The following RUNX2 variants were observed in gnomAD, a reference collection of about 807,000 sequenced individuals.
RUNX2 encodes the protein RUNX family transcription factor 2, also known as runt-related transcription factor 2.
RUNX2 carries 10 observed loss-of-function variants against 51.7 expected under a neutral mutation model. The observed-to-expected ratio is 0.19, with a 90% confidence interval of 0.12 to 0.33. The LOEUF is 0.33. Among genes scored for constraint, RUNX2 ranks in the 10% least tolerant of loss-of-function variants. RUNX2 has a pLI of 1.00. For missense variants in RUNX2, 562 were observed against 691.3 expected, an observed-to-expected ratio of 0.81 and a Z score of 2.10; for synonymous variants, 276 against 273.6, an observed-to-expected ratio of 1.01 and a Z score of -0.09.
rs58686446 is a variant in RUNX2 at position 45,336,738 on chromosome 6, T to C, written c.58+7954T>C. 5.1e-3 allele frequency among the ~76,000 whole-genome samples: 769 copies of C among 151,552 alleles called. 10 individuals are homozygous for C. The highest frequency in any genetic ancestry group is 0.018 in the African/African-American group (732 of 41,508). On this transcript the variant is annotated intron_variant, in intron 2 of 8. Coordinates refer to ENST00000647337, the MANE Select transcript of RUNX2 (RefSeq NM_001024630.4). ...AGTATTTACTTACAAAGTAAATACA[T>C]ATTAGATGTACAAAAAGATAGGAAG...
At chr6:45,431,311 A>G (rs1300673352) in intron 3 of RUNX2, among the ~76,000 whole-genome samples, 1 of 152,198 alleles carries the variant, frequency 6.6e-6, no homozygotes, top group Non-Finnish European at 1.5e-5. Context: ...ATACTTTATT[A>G]AAAGCTGAAG....
intron 7 of RUNX2, among the ~76,000 whole-genome samples, chr6:45,544,876 T>C (rs780373861): frequency 4.0e-4 from 61 of 152,360 alleles, no homozygotes; most frequent in Middle Eastern, 3.4e-3. Flanking sequence ...AATCGCTGTT[T>C]CCACATTTTT....
At chr6:45,520,771 A>G (rs2150429717) in intron 7 of RUNX2, among the ~76,000 whole-genome samples, 1 of 151,996 alleles carries the variant, frequency 6.6e-6, no homozygotes, top group African/African-American at 2.4e-5. Flanking sequence ...CCCAGGCTGG[A>G]GTGCAGTGGT....
intron 2 of RUNX2, among the ~76,000 whole-genome samples, chr6:45,387,878 G>A (rs1797385615): frequency 6.6e-6 from 1 of 152,144 alleles, no homozygotes; most frequent in South Asian, 2.1e-4. Context: ...GTAATCGTTG[G>A]CAAAACAGCT....
At chr6:45,347,258 ATAAT>A (rs1791075723) in intron 2 of RUNX2, among the ~76,000 whole-genome samples, 2 of 152,214 alleles carry the variant, frequency 1.3e-5, no homozygotes, top group African/African-American at 4.8e-5. Context: ...ACTACAGTGA[ATAAT>A]TAAATTTCTT....
chr6:45,465,404 G>C (rs372922327), intron 5 of RUNX2, among the ~76,000 whole-genome samples: 3 of 151,920 alleles, frequency 2.0e-5, no homozygotes, highest in Admixed American at 2.0e-4. Context: ...AATATTATTG[G>C]TCAAGAGTCC....
intron 5 of RUNX2, among the ~76,000 whole-genome samples, chr6:45,468,283 C>G (rs1483974739): frequency 6.6e-6 from 1 of 152,172 alleles, no homozygotes; most frequent in African/African-American, 2.4e-5. Context: ...TGAAAGATCA[C>G]TCTGATGCCA....
intron 5 of RUNX2, among the ~76,000 whole-genome samples, chr6:45,477,114 G>A (rs967677391): frequency 6.6e-6 from 1 of 152,204 alleles, no homozygotes; most frequent in East Asian, 1.9e-4. Flanking sequence ...CAGCAGAAGA[G>A]CAGATTCAGA....
chr6:45,539,220 TC>T (rs1162648685), intron 7 of RUNX2, among the ~76,000 whole-genome samples: 7 of 117,628 alleles, frequency 6.0e-5, no homozygotes, highest in Admixed American at 8.3e-5. Flanking sequence ...GGTTTTTTTT[TC>T]TCTCTCTCTC....
intron 2 of RUNX2, among the ~76,000 whole-genome samples, chr6:45,415,790 T>G (rs926163198): frequency 2.0e-5 from 3 of 151,752 alleles, no homozygotes; most frequent in African/African-American, 7.3e-5. Flanking sequence ...TAAAGAGAAA[T>G]ATTTAATGGA....
chr6:45,344,279 T>C (rs1050211274), intron 2 of RUNX2, among the ~76,000 whole-genome samples: 119 of 152,224 alleles, frequency 7.8e-4, no homozygotes, highest in African/African-American at 2.7e-3. Flanking sequence ...TTATTTCTTA[T>C]ACAGTTGGGA....
chr6:45,381,096 C>T lies in RUNX2; in HGVS notation c.59-41497C>T, dbSNP rs139284295. Among the ~76,000 whole-genome samples the T allele has an allele frequency of 4.7e-3, 711 of 152,266 alleles. 4 individuals are homozygous for T. Among genetic ancestry groups the T allele is most frequent in the Non-Finnish European group, 7.7e-3 (524 of 68,024 alleles). On this transcript the variant is annotated intron_variant, in intron 2 of 8. Transcript: ENST00000647337. The stretch of plus-strand genomic sequence containing the variant: ...GGGTAGATTGCATATTGTTTAGAAC[C>T]GTATATTGCAATTGTTGCTATATTT...
At chr6:45,542,545 C>T (rs530618271) in intron 7 of RUNX2, among the ~76,000 whole-genome samples, 67 of 152,290 alleles carry the variant, frequency 4.4e-4, no homozygotes, top group African/African-American at 1.5e-3. Context: ...TGGTCTCATT[C>T]ACATGTTGCC....
rs71792619 is a variant in RUNX2 at position 45,425,893 on chromosome 6, T to TACAC, written c.423+2950_423+2953dup. Among the ~76,000 whole-genome samples, 51 of 150,968 alleles carry TACAC rather than the reference T, an allele frequency of 3.4e-4. No homozygotes were observed. The South Asian group carries it at 7.3e-3, about 22-fold the overall frequency. On this transcript the variant is annotated intron_variant, in intron 3 of 8. Coordinates refer to ENST00000647337, the MANE Select transcript of RUNX2 (RefSeq NM_001024630.4). ...AGGTAAATGGATTTAAACACACACA[T>TACAC]ACACACACACACACACAACTTATTT...
intron 5 of RUNX2, among the ~76,000 whole-genome samples, chr6:45,469,336 G>A (rs1047802763): frequency 1.3e-5 from 2 of 152,204 alleles, no homozygotes; most frequent in African/African-American, 4.8e-5. Flanking sequence ...AAGAATATTT[G>A]TAAAGAAAAA....
chr6:45,437,758 G>C (rs552003553), intron 4 of RUNX2, among the ~76,000 whole-genome samples, 189 bp from the exon 5 acceptor site: 44 of 152,122 alleles, frequency 2.9e-4, no homozygotes, highest in Non-Finnish European at 4.4e-4. Flanking sequence ...TTGACTCTAA[G>C]CAAATTTGGA....
intron 4 of RUNX2, 31 bp from the exon 5 acceptor site, chr6:45,437,916 C>A: frequency 4.1e-6 from 6 of 1,454,398 alleles, no homozygotes; most frequent in Non-Finnish European, 5.8e-6. Flanking sequence ...TTTTAATATT[C>A]ACTGTATATT....
intron 2 of RUNX2, among the ~76,000 whole-genome samples, chr6:45,413,429 CTTTTTTTTTTTTTTTT>C (rs67659911): frequency 3.5e-5 from 2 of 56,636 alleles, no homozygotes; most frequent in Non-Finnish European, 6.0e-5. Context: ...AAGATACATT[CTTTTTTTTTTTTTTTT>C]TTTTTTTTTT....
rs561688963 is a variant in RUNX2, at chr6:45,457,065, T to C, written c.685+19014T>C. Among the ~76,000 whole-genome samples the C allele has an allele frequency of 2.2e-4, 33 of 152,326 alleles. 1 individual carries two copies. The highest frequency in any genetic ancestry group is 7.2e-4 in the African/African-American group (30 of 41,570). ...AACTAGAAGCTAGCCAATTTTTATA[T>C]GCATTTTTTTGGGAGGAGGGGGCAA... On this transcript the variant is annotated intron_variant, in intron 5 of 8. Transcript: ENST00000647337.
Sources: gnomAD v4.1 joint callset for allele counts (sites outside exome capture counted in the v4.1 genomes callset) on GRCh38, gnomAD v4.1.1 for gene constraint, MANE v1.5 for transcripts, NCBI Gene and HGNC (gene_info 2026-07-23, HGNC 2026-07-21) for gene names.